Variants in ITGAE observed in about 807,000 individuals in gnomAD.
ITGAE encodes integrin alpha-E.
A neutral mutation model predicts 136.5 loss-of-function variants in ITGAE; 99 were observed. The observed-to-expected ratio is 0.73, with a 90% CI of 0.62 to 0.86. The LOEUF (loss-of-function observed/expected upper bound fraction) is 0.86, where lower values mean the gene tolerates loss of function less well. Ranked by LOEUF, ITGAE falls within the 40% of genes least tolerant of loss-of-function variation. The pLI is 0.00. For missense variants in ITGAE, 1,447 were observed against 1,515.3 expected, an observed-to-expected ratio of 0.95 and a Z score of 0.75; for synonymous variants, 613 against 591.8, an observed-to-expected ratio of 1.04 and a Z score of -0.52.
At position 3,761,901 on chromosome 17, in the gene ITGAE, G is replaced by A. The variant is rs757135260; in HGVS notation, c.315+14C>T. ...CCTCCCTAAGGCCCTCCCTCCTCTC[G>A]CTCCTGCACTCACCAAAACACCGTG... On this transcript the variant is annotated intron_variant, in intron 4 of 30. Coordinates refer to ENST00000263087, the MANE Select transcript of ITGAE (RefSeq NM_002208.5). 1.1e-5 allele frequency: 17 copies of A among 1,611,906 alleles called. No homozygotes were observed. Among genetic ancestry groups the A allele is most frequent in the Non-Finnish European group, 1.4e-5 (17 of 1,178,450 alleles).
rs1277382595 is a variant in ITGAE at position 3,798,661 on chromosome 17, A to G, written c.34+2450T>C. On this transcript the variant is annotated intron_variant, in intron 1 of 30. Transcript: ENST00000263087. The surrounding 1 kb of genome is among the most constrained non-coding windows in gnomAD (Gnocchi z 4.3). The stretch of plus-strand genomic sequence containing the variant: ...CAGCCCGAGTGCGTGCCACCAGCAG[A>G]GCGGGCCCTGGACTTCTGGTTCCTT... Among the ~76,000 whole-genome samples the G allele has an allele frequency of 6.6e-6, 1 of 152,170 alleles. No homozygotes were observed. Among genetic ancestry groups the G allele is most frequent in the Non-Finnish European group, 1.5e-5 (1 of 68,038 alleles).
rs1253991427 is a variant in ITGAE, at chr17:3,761,462, G to A, written c.374C>T (p.Thr125Ile). 1.9e-6 allele frequency: 3 copies of A among 1,613,988 alleles called. No homozygotes were observed. The highest frequency in any genetic ancestry group is 2.7e-5 in the African/African-American group (2 of 74,956). The change falls in exon 5 of 31, where the codon ACC becomes ATC. Residue 125 changes from threonine (T) to isoleucine (I), a missense_variant. Transcript: ENST00000263087. Reference protein sequence around the residue: ...PHSLSSELTGTCSLLGPDLRP... With the variant: ...PHSLSSELTGICSLLGPDLRP... ...GAGGTCAGGGCCCAGGAGGCTACAG[G>A]TGCCTGTGAGTTCTGAGCTGAGGCT... is the stretch of plus-strand genomic sequence containing the variant.
chr17:3,716,773 T>C lies in ITGAE; in HGVS notation c.3359A>G (p.Glu1120Gly). The change falls in exon 30 of 31, where the codon GAG becomes GGG. Residue 1120 changes from glutamate to glycine, a missense_variant. Coordinates refer to ENST00000263087, the MANE Select transcript of ITGAE (RefSeq NM_002208.5). ...TKITVVFLKD[E>G]KYHSLPIIIK... ...GATGATAGGCAAAGAATGGTACTTC[T>C]CATCTTTCAGGAAGACGACAGTGAT... 6.2e-7 allele frequency: 1 copy of C among 1,605,442 alleles called. No homozygotes were observed. The highest frequency in any genetic ancestry group is 8.5e-7 in the Non-Finnish European group (1 of 1,172,184).
At chr17:3,754,821 G>T in intron 12 of ITGAE, 1 of 307,124 alleles carries the variant, frequency 3.3e-6, no homozygotes, top group East Asian at 6.8e-5. Flanking sequence ...GTGGTCTCCA[G>T]GCCCCACCCT....
intron 10 of ITGAE, 39 bp downstream of exon 10, chr17:3,756,945 T>A: frequency 6.3e-7 from 1 of 1,584,114 alleles, no homozygotes; most frequent in Non-Finnish European, 8.6e-7. Context: ...GAGCATAGGC[T>A]CGGGCCTCCT....
intron 26 of ITGAE, chr17:3,725,472 A>G: frequency 2.5e-6 from 4 of 1,614,218 alleles, no homozygotes. Flanking sequence ...CATAAAAATC[A>G]TTGCTATTGA....
At chr17:3,781,289 A>G (rs1022924648) in intron 1 of ITGAE, among the ~76,000 whole-genome samples, 2 of 149,656 alleles carry the variant, frequency 1.3e-5, no homozygotes, top group East Asian at 3.9e-4. Flanking sequence ...CACTCAGGCT[A>G]TTTCTTTTCA....
At chr17:3,718,808 C>T (rs2050989822) in intron 29 of ITGAE, among the ~76,000 whole-genome samples, 2 of 152,204 alleles carry the variant, frequency 1.3e-5, no homozygotes, top group South Asian at 2.1e-4. Context: ...TCATTTGGTA[C>T]CATTCTCTGT....
intron 20 of ITGAE, among the ~76,000 whole-genome samples, chr17:3,739,116 T>C (rs1259471881): frequency 6.8e-6 from 1 of 147,842 alleles, no homozygotes. Flanking sequence ...CCAGGGTACC[T>C]GCAGCTGCTC....
At chr17:3,746,330 C>A (rs934581779) in intron 17 of ITGAE, among the ~76,000 whole-genome samples, 18 of 150,716 alleles carry the variant, frequency 1.2e-4, no homozygotes, top group African/African-American at 4.4e-4. Context: ...GATCCCGGGG[C>A]CGCCTCTCTT....
chr17:3,719,234 T>TAAAAAAAAAAAAAAAAA (rs2050999265), intron 29 of ITGAE, among the ~76,000 whole-genome samples: 8 of 34,708 alleles, frequency 2.3e-4, no homozygotes, highest in African/African-American at 9.8e-4. Flanking sequence ...AGATTCTTCC[T>TAAAAAAAAAAAAAAAAA]CAAAAAAAAA....
chr17:3,776,651 G>A (rs1057047640), intron 2 of ITGAE, among the ~76,000 whole-genome samples: 3 of 151,592 alleles, frequency 2.0e-5, no homozygotes, highest in Admixed American at 6.6e-5. Flanking sequence ...CTCGGCCTCC[G>A]GGCCCAAGTG....
intron 21 of ITGAE, among the ~76,000 whole-genome samples, chr17:3,733,039 A>G (rs1440494294): frequency 1.6e-4 from 25 of 152,142 alleles, no homozygotes; most frequent in Admixed American, 1.5e-3. Flanking sequence ...GCTGCAGTGA[A>G]GTGGCGCGAT....
chr17:3,746,278 C>T (rs1178562), intron 17 of ITGAE, among the ~76,000 whole-genome samples: 2 of 151,294 alleles, frequency 1.3e-5, no homozygotes, highest in African/African-American at 4.9e-5. Context: ...AGGGACTCTG[C>T]GGAGAAAAAC....
At position 3,788,456 on chromosome 17, in the gene ITGAE, ATTTTTTTT is replaced by A. The variant is rs71155804; in HGVS notation, c.35-10804_35-10797del. Among the ~76,000 whole-genome samples the A allele has an allele frequency of 2.3e-3, 233 of 103,250 alleles. 5 individuals are homozygous for A. In the East Asian group the frequency reaches 0.059, roughly 26 times the overall value. The allele number at this position is 103,250 out of a possible 152,430, so 67.7% of individuals were successfully genotyped here. A position where few individuals can be genotyped will look rare whatever the true frequency, so the allele number is the denominator to read the frequency against. Reference sequence around the variant, plus strand: ...AGGCCTGTGCCACCAGACCTGACTAATTTTTTTTTTTTTTTTTTTTTTTGGTAGAGGCG... The same window carrying A: ...AGGCCTGTGCCACCAGACCTGACTAATTTTTTTTTTTTTTTGGTAGAGGCG... On this transcript the variant is annotated intron_variant, in intron 1 of 30. Transcript: ENST00000263087.
intron 16 of ITGAE, 32 bp downstream of exon 16, chr17:3,750,320 C>A (rs372604734): frequency 1.2e-6 from 2 of 1,612,126 alleles, no homozygotes; most frequent in Non-Finnish European, 1.7e-6. Flanking sequence ...GAGGCTGGGC[C>A]TGGGACCCCA....
chr17:3,797,346 T>C (rs1409320312), intron 1 of ITGAE, among the ~76,000 whole-genome samples: 3 of 150,866 alleles, frequency 2.0e-5, no homozygotes, highest in African/African-American at 7.3e-5. Context: ...TTTGTGTTTT[T>C]AGTAGAGACG....
chr17:3,751,367 T>G (rs1597331535), intron 15 of ITGAE, among the ~76,000 whole-genome samples: 2 of 145,902 alleles, frequency 1.4e-5, no homozygotes, highest in Non-Finnish European at 1.5e-5. Context: ...AAGGAGGGGG[T>G]ATAGGCCAGG....
intron 1 of ITGAE, among the ~76,000 whole-genome samples, chr17:3,785,689 G>GT (rs2052776558): frequency 6.6e-6 from 1 of 151,878 alleles, no homozygotes; most frequent in African/African-American, 2.4e-5. Flanking sequence ...ATATGAACAC[G>GT]TATCAATGAA....
Sources: allele counts gnomAD v4.1 joint callset (sites outside exome capture counted in the v4.1 genomes callset), GRCh38; gene constraint gnomAD v4.1.1; non-coding constraint Gnocchi (gnomAD v3.1); transcripts MANE v1.5; gene names NCBI Gene and HGNC (gene_info 2026-07-23, HGNC 2026-07-21).